The following TP73 variants were observed in gnomAD, a reference collection of about 807,000 sequenced individuals.
The protein encoded by TP73 is p53-like transcription factor.
In TP73, 25 loss-of-function variants were observed where a neutral mutation model predicts 62.5. That is an observed-to-expected ratio of 0.40 (90% CI 0.29 to 0.56). The LOEUF (loss-of-function observed/expected upper bound fraction) is 0.56, where lower values mean the gene tolerates loss of function less well. Ranked by LOEUF, TP73 falls within the 20% of genes least tolerant of loss-of-function variation. The pLI, the probability that TP73 is intolerant of heterozygous loss-of-function variation, is 0.46. For synonymous variants in TP73, 423 were observed against 377.5 expected (o/e 1.12, Z -1.40); for missense variants, 754 against 913.3 (o/e 0.83, Z 2.25).
rs774936467 is a variant in TP73, at chr1:3,733,179, C to T, written c.*100C>T. 2.3e-5 allele frequency: 31 copies of T among 1,336,480 alleles called. No individual in the cohort carries two copies. Among genetic ancestry groups the T allele is most frequent in the African/African-American group, 1.5e-4 (10 of 67,900 alleles). 82.8% of individuals were successfully genotyped at this position (1,336,480 alleles called of 1,614,324 possible). A position where few individuals can be genotyped will look rare whatever the true frequency, so the allele number is the denominator to read the frequency against. On this transcript the variant is annotated 3_prime_UTR_variant, in exon 14 of 14. Coordinates refer to ENST00000378295, the MANE Select transcript of TP73 (RefSeq NM_005427.4). ...AAACTGCCTCAGGAGGCAGGACCTT[C>T]GGGCTGTGCCCGGGGAAAGGCAAGG...
chr1:3,690,500 C>T (rs912161463), intron 3 of TP73, among the ~76,000 whole-genome samples: 6 of 152,220 alleles, frequency 3.9e-5, no homozygotes, highest in African/African-American at 9.6e-5. Flanking sequence ...GGCAGCATCT[C>T]GGAAGGAGCC....
At chr1:3,715,988 G>A (rs929827069) in intron 4 of TP73, among the ~76,000 whole-genome samples, 14 of 152,192 alleles carry the variant, frequency 9.2e-5, no homozygotes, top group South Asian at 2.1e-4. Context: ...CTTCCAGGCC[G>A]TTGAGAGTCC....
At chr1:3,712,971 G>A (rs529812910) in intron 4 of TP73, among the ~76,000 whole-genome samples, 54 of 152,270 alleles carry the variant, frequency 3.5e-4, no homozygotes, top group African/African-American at 1.1e-3. Context: ...GCTCTGTGGG[G>A]CAGGTCCCTG....
At chr1:3,689,261 G>A (rs1355751689) in intron 3 of TP73, among the ~76,000 whole-genome samples, 2 of 152,156 alleles carry the variant, frequency 1.3e-5, no homozygotes, top group African/African-American at 4.8e-5. Flanking sequence ...CCCTGCAGGG[G>A]GCTTCCCAGA....
chr1:3,728,237 C>A lies in TP73; in HGVS notation c.1074+20C>A. 1 of 1,607,338 alleles carries A rather than the reference C, an allele frequency of 6.2e-7. No individual in the cohort carries two copies. Among genetic ancestry groups the A allele is most frequent in the Non-Finnish European group, 8.5e-7 (1 of 1,177,954 alleles). On this transcript the variant is annotated intron_variant, in intron 9 of 13. Transcript: ENST00000378295. ...CTTCAGGTGAGTGTGTGCTCCTGCA[C>A]GGCAGCCGGGAGACCTGCCTCACCT... is the stretch of plus-strand genomic sequence containing the variant.
chr1:3,690,999 G>A (rs1054970875), intron 3 of TP73: 23 of 1,554,178 alleles, frequency 1.5e-5, no homozygotes, highest in Non-Finnish European at 1.8e-5. Flanking sequence ...GGGGGATTTT[G>A]CTGCAGTGTA....
chr1:3,660,686 C>G (rs962736857), intron 1 of TP73, among the ~76,000 whole-genome samples: 3 of 151,512 alleles, frequency 2.0e-5, no homozygotes, highest in African/African-American at 7.2e-5. Context: ...GTGGTGTGAT[C>G]TTAATGTATC....
chr1:3,688,304 C>CG (rs1176368066), intron 3 of TP73, among the ~76,000 whole-genome samples: 1 of 152,212 alleles, frequency 6.6e-6, no homozygotes, highest in Non-Finnish European at 1.5e-5. Flanking sequence ...GCAGCTTCTG[C>CG]GGCCTCTTCC....
At chr1:3,724,998 G>T (rs530245990) in intron 6 of TP73, among the ~76,000 whole-genome samples, 72 of 151,710 alleles carry the variant, frequency 4.7e-4, no homozygotes, top group African/African-American at 1.4e-3. Flanking sequence ...CAGCCTGGGG[G>T]ACAGAGAGAG....
intron 1 of TP73, among the ~76,000 whole-genome samples, chr1:3,656,137 T>C (rs1348402868): frequency 6.8e-6 from 1 of 147,442 alleles, no homozygotes; most frequent in Non-Finnish European, 1.5e-5. Flanking sequence ...GATCACGCAC[T>C]ACACTCCAGC....
chr1:3,680,955 C>G (rs944604821), intron 1 of TP73, among the ~76,000 whole-genome samples: 2 of 152,252 alleles, frequency 1.3e-5, no homozygotes, highest in East Asian at 3.8e-4. Context: ...GCCGTGTGAC[C>G]TCACACAAGT....
At chr1:3,681,949 C>T (rs910907442) in intron 1 of TP73, among the ~76,000 whole-genome samples, 12 of 151,980 alleles carry the variant, frequency 7.9e-5, no homozygotes, top group African/African-American at 2.9e-4. Context: ...AGGCCTCACA[C>T]GCTTGTCCCG....
chr1:3,654,241 A>G (rs564493699), intron 1 of TP73, among the ~76,000 whole-genome samples: 15 of 152,318 alleles, frequency 9.8e-5, no homozygotes, highest in African/African-American at 3.4e-4. Flanking sequence ...CCTATTGTCA[A>G]TCAGAGGTAG....
chr1:3,700,551 C>T (rs981978091), intron 3 of TP73, among the ~76,000 whole-genome samples: 1 of 152,164 alleles, frequency 6.6e-6, no homozygotes, highest in Non-Finnish European at 1.5e-5. Flanking sequence ...AATCCCAGCA[C>T]TTTGGGAGGC....
chr1:3,693,240 G>C (rs1021563389), intron 3 of TP73, among the ~76,000 whole-genome samples: 1 of 152,202 alleles, frequency 6.6e-6, no homozygotes, highest in African/African-American at 2.4e-5. Flanking sequence ...CTGCAGGAAC[G>C]TATTTTGAGA....
intron 3 of TP73, chr1:3,698,014 C>T (rs1638823314): frequency 2.1e-6 from 2 of 931,620 alleles, no homozygotes; most frequent in African/African-American, 1.8e-5. Flanking sequence ...TTCAAGTTCT[C>T]GGCTCAGCCA....
chr1:3,712,838 C>T (rs1200764905), intron 4 of TP73, among the ~76,000 whole-genome samples: 1 of 152,146 alleles, frequency 6.6e-6, no homozygotes, highest in Admixed American at 6.5e-5. Context: ...CCGGACCTGG[C>T]CCCAGCAGCC....
chr1:3,719,416 C>T (rs1037005230), intron 4 of TP73, among the ~76,000 whole-genome samples: 2 of 152,212 alleles, frequency 1.3e-5, no homozygotes, highest in Admixed American at 1.3e-4. Flanking sequence ...CTCCCCTGCT[C>T]GGGGCACTGG....
Position 3,718,425 on chromosome 1 carries a change from G to C in TP73, c.430-3596G>C, listed in dbSNP as rs970182194. Among the ~76,000 whole-genome samples, 93 of 152,332 alleles carry C rather than the reference G, an allele frequency of 6.1e-4. 1 individual carries two copies. Among genetic ancestry groups the C allele is most frequent in the African/African-American group, 2.0e-3 (83 of 41,588 alleles). On this transcript the variant is annotated intron_variant, in intron 4 of 13. Transcript: ENST00000378295. ...CCCGGAGACCCAGAGGGAGTGGGGC[G>C]GGCTCAGCAGGGCGCTGCTGAGAGG...
Sources: allele counts gnomAD v4.1 joint callset (sites outside exome capture counted in the v4.1 genomes callset), GRCh38; gene constraint gnomAD v4.1.1; transcripts MANE v1.5; gene names NCBI Gene and HGNC (gene_info 2026-07-23, HGNC 2026-07-21).